MYBPC2: variants seen among roughly 807,000 people sequenced by gnomAD.
MYBPC2 encodes the protein myosin-binding protein C, fast-type.
MYBPC2 carries 122 observed loss-of-function variants against 137.0 expected under a neutral mutation model. The observed-to-expected ratio is 0.89, with a 90% CI of 0.77 to 1.03. MYBPC2 has a LOEUF of 1.03. Among genes scored for constraint, MYBPC2 ranks in the 50% least tolerant of loss-of-function variants. The pLI, the probability that MYBPC2 is intolerant of heterozygous loss-of-function variation, is 0.00. For synonymous variants in MYBPC2, 626 were observed against 612.3 expected (o/e 1.02, Z -0.33); for missense variants, 1,500 against 1,534.4 (o/e 0.98, Z 0.37).
intron 7 of MYBPC2, among the ~76,000 whole-genome samples, chr19:50,438,776 G>A (rs1204149904): frequency 6.6e-6 from 1 of 151,938 alleles, no homozygotes; most frequent in South Asian, 2.1e-4. Flanking sequence ...TGAGGGAGGA[G>A]GATCGTTTGA....
intron 24 of MYBPC2, among the ~76,000 whole-genome samples, chr19:50,460,573 G>A (rs1314481727): frequency 1.3e-5 from 2 of 152,112 alleles, no homozygotes; most frequent in Non-Finnish European, 2.9e-5. Flanking sequence ...TACCTACTCT[G>A]GACATTTCAT....
intron 12 of MYBPC2, 69 bp downstream of exon 12, chr19:50,446,121 G>A: frequency 6.6e-7 from 1 of 1,517,080 alleles, no homozygotes; most frequent in Non-Finnish European, 8.9e-7. Flanking sequence ...AGGTTGCTCA[G>A]GCCCCCCAGT....
At chr19:50,444,051 G>T (rs374722391) in intron 11 of MYBPC2, among the ~76,000 whole-genome samples, 1 of 152,000 alleles carries the variant, frequency 6.6e-6, no homozygotes, top group Non-Finnish European at 1.5e-5. Context: ...CCTGATCTCC[G>T]ACTGTTCCAT....
At chr19:50,446,163 A>C in intron 12 of MYBPC2, 111 bp downstream of exon 12, 1 of 1,285,896 alleles carries the variant, frequency 7.8e-7, no homozygotes, top group Admixed American at 2.4e-5. Context: ...TCTCTTTCCC[A>C]CACACCCTAT....
At chr19:50,449,356 C>T (rs1191765231) in intron 13 of MYBPC2, among the ~76,000 whole-genome samples, 5 of 152,168 alleles carry the variant, frequency 3.3e-5, no homozygotes, top group African/African-American at 7.2e-5. Flanking sequence ...GCGCCCAGCA[C>T]GCCGCTCCCT....
rs2039974962 is a variant in MYBPC2, at chr19:50,461,890, C to T, written c.3092-10C>T. On this transcript the variant is annotated splice_polypyrimidine_tract_variant and intron_variant, in intron 25 of 27. Coordinates refer to ENST00000357701, the MANE Select transcript of MYBPC2 (RefSeq NM_004533.4). Reference sequence around the variant, plus strand: ...ATCAGTCGCCTTACGGGTGCATCCTCTCTCCCCAGGAATCACCTTCAAACC... The same window carrying T: ...ATCAGTCGCCTTACGGGTGCATCCTTTCTCCCCAGGAATCACCTTCAAACC... 1 of 1,593,660 alleles carries T rather than the reference C, an allele frequency of 6.3e-7. No homozygotes were observed. Among genetic ancestry groups the T allele is most frequent in the South Asian group, 1.1e-5 (1 of 87,806 alleles).
chr19:50,444,279 TG>T (rs2039782841), intron 11 of MYBPC2, among the ~76,000 whole-genome samples: 1 of 132,340 alleles, frequency 7.6e-6, no homozygotes, highest in Admixed American at 7.7e-5. Context: ...CTTAACCATC[TG>T]TCCATCCATT....
intron 5 of MYBPC2, among the ~76,000 whole-genome samples, chr19:50,436,982 G>A (rs1340743936): frequency 1.3e-5 from 2 of 152,192 alleles, no homozygotes; most frequent in African/African-American, 4.8e-5. Context: ...TAGGAGGTGA[G>A]TTATGCACAT....
intron 7 of MYBPC2, among the ~76,000 whole-genome samples, chr19:50,440,323 A>AAAATAAAATAAATAAATAAATAAAT (rs140643143): frequency 2.9e-5 from 4 of 139,106 alleles, no homozygotes; most frequent in Admixed American, 7.3e-5. Context: ...CTGTGGAAAT[A>AAAATAAAATAAATAAATAAATAAAT]AAATAAATAA....
intron 16 of MYBPC2, among the ~76,000 whole-genome samples, chr19:50,452,474 A>G (rs1235918824): frequency 8.4e-6 from 1 of 118,804 alleles, no homozygotes; most frequent in African/African-American, 3.0e-5. Context: ...CTGTGTATGT[A>G]TGTATGTATG....
chr19:50,452,508 G>GTC (rs2039870335), intron 16 of MYBPC2, among the ~76,000 whole-genome samples: 2 of 114,752 alleles, frequency 1.7e-5, no homozygotes, highest in East Asian at 6.6e-4. Flanking sequence ...ATGTATGTAT[G>GTC]TATCTATCTA....
rs1397669420 is a variant in MYBPC2 at position 50,454,391 on chromosome 19, AC to A, written c.2014+24del. On this transcript the variant is annotated intron_variant, in intron 18 of 27. Coordinates refer to ENST00000357701, the MANE Select transcript of MYBPC2 (RefSeq NM_004533.4). Reference sequence around the variant, plus strand: ...ACCGGTGAGTGCCTCTGTCCTCATGACCTCTGACCTTCCCTCTTTCTGCCTT... The same window carrying A: ...ACCGGTGAGTGCCTCTGTCCTCATGACTCTGACCTTCCCTCTTTCTGCCTT... 8.6e-5 allele frequency: 124 copies of A among 1,448,258 alleles called. 1 individual carries two copies. Among genetic ancestry groups the A allele is most frequent in the Non-Finnish European group, 1.1e-4 (119 of 1,071,516 alleles). The allele number at this position is 1,448,258 out of a possible 1,614,324, so 89.7% of individuals were successfully genotyped here.
intron 1 of MYBPC2, among the ~76,000 whole-genome samples, chr19:50,433,617 A>G (rs941322081): frequency 6.7e-6 from 1 of 149,274 alleles, no homozygotes; most frequent in Non-Finnish European, 1.5e-5. Context: ...CTGGTCTCAA[A>G]CCCCCAACCT....
Position 50,459,339 on chromosome 19 carries a change from G to A in MYBPC2, c.2791+33G>A, listed in dbSNP as rs751938457. 5.7e-6 allele frequency: 9 copies of A among 1,569,444 alleles called. No individual in the cohort carries two copies. In the East Asian group the frequency reaches 1.6e-4, roughly 28 times the overall value. On this transcript the variant is annotated intron_variant, in intron 23 of 27. Coordinates refer to ENST00000357701, the MANE Select transcript of MYBPC2 (RefSeq NM_004533.4). ...CGCTGGGGAGGGCCCCTGGAGGCCG[G>A]GAGGGGCAGGGATGGGCAGCGATGG...
rs1278316623 is a variant in MYBPC2 at position 50,454,335 on chromosome 19, GC to G, written c.1982del (p.Pro661HisfsTer15). ...GEDWAILVWE[P>X]PMYDGGKPVT... The stretch of plus-strand genomic sequence containing the variant: ...AGGATTGGGCCATCCTTGTCTGGGA[GC>G]CACCAATGTACGATGGGGGGAAGCC... On this transcript the variant is annotated frameshift_variant, in exon 18 of 28. Coordinates refer to ENST00000357701, the MANE Select transcript of MYBPC2 (RefSeq NM_004533.4). LOFTEE classifies it high-confidence loss of function. 1 of 1,613,236 alleles carries G rather than the reference GC, an allele frequency of 6.2e-7. No individual in the cohort carries two copies. Among genetic ancestry groups the G allele is most frequent in the South Asian group, 1.1e-5 (1 of 90,958 alleles).
chr19:50,461,416 G>T (rs1025201835), intron 24 of MYBPC2, 126 bp from the exon 25 acceptor site: 1 of 1,016,938 alleles, frequency 9.8e-7, no homozygotes, highest in East Asian at 2.6e-5. Flanking sequence ...TGAGTAGTGC[G>T]CCATGAGTGA....
chr19:50,438,292 G>A (rs1197607222), intron 7 of MYBPC2, among the ~76,000 whole-genome samples: 1 of 152,162 alleles, frequency 6.6e-6, no homozygotes, highest in East Asian at 1.9e-4. Context: ...ATGGATAACG[G>A]GTGAATGGGA....
At chr19:50,433,734 C>T (rs904969669) in intron 1 of MYBPC2, among the ~76,000 whole-genome samples, 4 of 150,336 alleles carry the variant, frequency 2.7e-5, no homozygotes, top group African/African-American at 4.9e-5. Flanking sequence ...TTCTCCACAT[C>T]CGGGGATGGC....
In MYBPC2 at chr19:50,435,780, C is replaced by T; in HGVS notation, c.114C>T (p.Ala38=). Residue 38 remains alanine, a synonymous_variant, in exon 3 of 28, where the codon GCC becomes GCT. Transcript: ENST00000357701. The surrounding 1 kb of genome is among the most constrained non-coding windows in gnomAD (Gnocchi z 4.8). Reference sequence around the variant, plus strand: ...CTAATCCTGTCCCCTGAACAGAAGCCCCACCCGAGGACCAGTCCCCGACTG... The same window carrying T: ...CTAATCCTGTCCCCTGAACAGAAGCTCCACCCGAGGACCAGTCCCCGACTG... ...KEAPAEAPKE[A]PPEDQSPTAE... is the part of the protein sequence containing the mutation. 6.2e-7 allele frequency: 1 copy of T among 1,608,252 alleles called. No homozygotes were observed. Among genetic ancestry groups the T allele is most frequent in the Middle Eastern group, 1.7e-4 (1 of 6,042 alleles).
Sources: gnomAD v4.1 joint callset for allele counts (sites outside exome capture counted in the v4.1 genomes callset) on GRCh38, gnomAD v4.1.1 for gene constraint, Gnocchi (gnomAD v3.1) non-coding constraint, MANE v1.5 for transcripts, NCBI Gene and HGNC (gene_info 2026-07-23, HGNC 2026-07-21) for gene names.